The following SCN9A variants were observed in gnomAD, a reference collection of about 807,000 sequenced individuals.
SCN9A encodes the protein sodium channel protein type 9 subunit alpha.
A neutral mutation model predicts 187.0 loss-of-function variants in SCN9A; 131 were observed. The observed-to-expected ratio is 0.70, with a 90% CI of 0.61 to 0.81. The LOEUF (loss-of-function observed/expected upper bound fraction) is 0.81, where lower values mean the gene tolerates loss of function less well. SCN9A is among the 30% of genes least tolerant of loss of function. The pLI is 0.00. For synonymous variants in SCN9A, 809 were observed against 808.6 expected (o/e 1.00, Z -0.01); for missense variants, 2,252 against 2,396.6 (o/e 0.94, Z 1.26).
chr2:166,316,625 C>T (rs1201395501), intron 1 of SCN9A, among the ~76,000 whole-genome samples: 5 of 152,184 alleles, frequency 3.3e-5, no homozygotes, highest in African/African-American at 7.2e-5. Context: ...ACCCAGGAGG[C>T]GGAGCTTGCA....
chr2:166,214,437 G>C (rs940621874), intron 24 of SCN9A, among the ~76,000 whole-genome samples: 1 of 151,476 alleles, frequency 6.6e-6, no homozygotes, highest in African/African-American at 2.4e-5. Context: ...CTAAACAAGA[G>C]GAATAACATT....
intron 1 of SCN9A, among the ~76,000 whole-genome samples, chr2:166,354,401 T>C (rs941149169): frequency 6.6e-6 from 1 of 152,116 alleles, no homozygotes; most frequent in Non-Finnish European, 1.5e-5. Flanking sequence ...TTTGGTCAGA[T>C]GGATGAAAAG....
At chr2:166,354,022 A>C (rs1483977742) in intron 1 of SCN9A, among the ~76,000 whole-genome samples, 1 of 152,194 alleles carries the variant, frequency 6.6e-6, no homozygotes, top group African/African-American at 2.4e-5. Flanking sequence ...TAGATGTCAC[A>C]CTAATTTAAG....
Position 166,297,630 on chromosome 2 carries a change from C to T in SCN9A, c.902-2968G>A, listed in dbSNP as rs75197785. Among the ~76,000 whole-genome samples the T allele has an allele frequency of 4.4e-4, 67 of 150,622 alleles. No homozygotes were observed. The East Asian group carries it at 9.8e-3, about 22-fold the overall frequency. On this transcript the variant is annotated intron_variant, in intron 7 of 26. Coordinates refer to ENST00000642356, the MANE Select transcript of SCN9A (RefSeq NM_001365536.1). ...GGGAGAAAAGGGAAATGGGGAATGA[C>T]TACTAACGGGCCCTGGGTTTCTTGG...
rs1436384204 is a variant in SCN9A at position 166,238,168 on chromosome 2, GA to G, written c.3726del (p.Leu1243Ter). ...TTATAACCATATGCTATCCATTTTA[GA>G]AGCATTTCCAGAATGAAGATGTAAG... ...IFTYIFILEMLLKWIAYGYKT... is the reference protein window; with the variant it reads ...IFTYIFILEMXLKWIAYGYKT... On this transcript the variant is annotated frameshift_variant, in exon 20 of 27. Coordinates refer to ENST00000642356, the MANE Select transcript of SCN9A (RefSeq NM_001365536.1). LOFTEE classifies it high-confidence loss of function. 6.2e-7 allele frequency: 1 copy of G among 1,609,720 alleles called. No homozygotes were observed. The highest frequency in any genetic ancestry group is 8.5e-7 in the Non-Finnish European group (1 of 1,177,438).
At chr2:166,284,109 AT>A (rs1159736540) in intron 12 of SCN9A, among the ~76,000 whole-genome samples, 1 of 152,194 alleles carries the variant, frequency 6.6e-6, no homozygotes, top group Admixed American at 6.5e-5. Flanking sequence ...TAGAAATGGG[AT>A]CTATTATTAA....
At chr2:166,224,306 T>TG (rs1694753951) in intron 24 of SCN9A, among the ~76,000 whole-genome samples, 1 of 152,122 alleles carries the variant, frequency 6.6e-6, no homozygotes, top group Non-Finnish European at 1.5e-5. Context: ...AAATGGAACA[T>TG]GAAATTTAAA....
intron 19 of SCN9A, among the ~76,000 whole-genome samples, chr2:166,240,619 C>T (rs1030264315): frequency 2.6e-5 from 4 of 152,160 alleles, no homozygotes; most frequent in African/African-American, 9.7e-5. Context: ...GCATGGTAGA[C>T]ACTATCATGA....
intron 6 of SCN9A, 147 bp downstream of exon 6, chr2:166,304,091 C>T: frequency 6.2e-7 from 1 of 1,613,548 alleles, no homozygotes; most frequent in Non-Finnish European, 8.5e-7. Flanking sequence ...AATGCTGAGA[C>T]ATTGCCCAGG....
intron 24 of SCN9A, among the ~76,000 whole-genome samples, chr2:166,224,834 T>C (rs964304315): frequency 6.6e-6 from 1 of 152,144 alleles, no homozygotes; most frequent in Non-Finnish European, 1.5e-5. Flanking sequence ...AGATCCATAA[T>C]GAAACTACTT....
chr2:166,307,379 TAA>T (rs1176899299), intron 2 of SCN9A, among the ~76,000 whole-genome samples: 4 of 152,336 alleles, frequency 2.6e-5, no homozygotes, highest in Admixed American at 2.0e-4. Flanking sequence ...TAACTGTGGT[TAA>T]GTTATTTTAA....
intron 24 of SCN9A, among the ~76,000 whole-genome samples, chr2:166,222,492 G>T (rs892640322): frequency 6.6e-6 from 1 of 152,088 alleles, no homozygotes; most frequent in Non-Finnish European, 1.5e-5. Context: ...GCTGGGCATG[G>T]TGGCACATGC....
chr2:166,207,030 T>C (rs1039191840), intron 24 of SCN9A, among the ~76,000 whole-genome samples: 1 of 152,152 alleles, frequency 6.6e-6, no homozygotes, highest in Non-Finnish European at 1.5e-5. Context: ...AAAGCCTAAA[T>C]CTTACAAAGG....
chr2:166,277,900 TTTATA>T (rs977931757), intron 15 of SCN9A: 9 of 372,538 alleles, frequency 2.4e-5, no homozygotes, highest in Non-Finnish European at 4.2e-5. Flanking sequence ...ATAGAAAATA[TTTATA>T]TTATATTAGC....
chr2:166,264,199 G>C (rs1008815937), intron 17 of SCN9A, among the ~76,000 whole-genome samples: 3 of 151,942 alleles, frequency 2.0e-5, no homozygotes, highest in African/African-American at 7.2e-5. Context: ...GCATAGTAAG[G>C]TGTAATAAAT....
chr2:166,259,376 A>G (rs1350480184), intron 17 of SCN9A: 1 of 151,756 alleles, frequency 6.6e-6, no homozygotes, highest in African/African-American at 2.4e-5. Context: ...TTAAAGTCAT[A>G]TACCTGTAAG....
chr2:166,238,040 C>G lies in SCN9A; in HGVS notation c.3801+54G>C. 2.2e-6 allele frequency: 3 copies of G among 1,361,858 alleles called. No individual in the cohort carries two copies. In the African/African-American group the frequency reaches 4.4e-5, roughly 20 times the overall value. The allele number at this position is 1,361,858 out of a possible 1,614,324, so 84.4% of individuals were successfully genotyped here. A position where few individuals can be genotyped will look rare whatever the true frequency, so the allele number is the denominator to read the frequency against. The stretch of plus-strand genomic sequence containing the variant: ...TATGCAATAGTGGTGAAGGTTTTTT[C>G]ACAACACACAGTAAGAATAAATCCT... On this transcript the variant is annotated intron_variant, in intron 20 of 26. Coordinates refer to ENST00000642356, the MANE Select transcript of SCN9A (RefSeq NM_001365536.1).
At chr2:166,351,991 T>C (rs1462829849) in intron 1 of SCN9A, among the ~76,000 whole-genome samples, 4 of 152,184 alleles carry the variant, frequency 2.6e-5, no homozygotes, top group Admixed American at 6.5e-5. Flanking sequence ...TGAGCTAGAA[T>C]ATATCACAAA....
rs201364115 is a variant in SCN9A at position 166,228,808 on chromosome 2, T to C, written c.4089A>G (p.Gln1363=). ...CAAAACATTCGGAACGATTTGGAAC[T>C]TGACTTGCAGGAAACCGTGACCCAT... ...TTDGSRFPAS[Q]VPNRSECFAL... is the part of the protein sequence containing the mutation. The change falls in exon 22 of 27, where the codon CAA becomes CAG. Residue 1363 remains glutamine, a synonymous_variant. Coordinates refer to ENST00000642356, the MANE Select transcript of SCN9A (RefSeq NM_001365536.1). 52 of 1,613,842 alleles carry C rather than the reference T, an allele frequency of 3.2e-5. No homozygotes were observed. The highest frequency in any genetic ancestry group is 4.2e-5 in the Non-Finnish European group (49 of 1,179,874).
Sources: allele counts gnomAD v4.1 joint callset (sites outside exome capture counted in the v4.1 genomes callset), GRCh38; gene constraint gnomAD v4.1.1; transcripts MANE v1.5; gene names NCBI Gene and HGNC (gene_info 2026-07-23, HGNC 2026-07-21).